Variants in LGR5 observed in about 807,000 individuals in gnomAD.
LGR5 encodes leucine-rich repeat-containing G protein-coupled receptor 5.
Under a neutral mutation model 76.7 loss-of-function variants are expected in LGR5, and 54 were observed. That is an observed-to-expected ratio of 0.70 (90% confidence interval 0.57 to 0.88). The LOEUF (loss-of-function observed/expected upper bound fraction) is 0.88, where lower values mean the gene tolerates loss of function less well. Ranked by LOEUF, LGR5 falls within the 40% of genes least tolerant of loss-of-function variation. LGR5 has a pLI of 0.00. For synonymous variants in LGR5, 406 were observed against 421.9 expected, an observed-to-expected ratio of 0.96 and a Z score of 0.46; for missense variants, 1,078 against 1,073.3, an observed-to-expected ratio of 1.00 and a Z score of -0.06.
At chr12:71,534,474 G>A (rs760902725) in intron 3 of LGR5, among the ~76,000 whole-genome samples, 6 of 151,996 alleles carry the variant, frequency 3.9e-5, no homozygotes, top group Admixed American at 6.6e-5. Flanking sequence ...TTTCCATTTG[G>A]TGTAACTTAT....
chr12:71,509,272 G>A (rs1194085331), intron 2 of LGR5, among the ~76,000 whole-genome samples: 1 of 152,104 alleles, frequency 6.6e-6, no homozygotes, highest in African/African-American at 2.4e-5. Flanking sequence ...ATGAAAGAAC[G>A]TTGGTAAACT....
chr12:71,448,084 AACACACACAC>A (rs35911721), intron 1 of LGR5, among the ~76,000 whole-genome samples: 2 of 145,584 alleles, frequency 1.4e-5, no homozygotes. Context: ...CACACACACA[AACACACACAC>A]ACACACACAC....
chr12:71,561,634 A>G lies in LGR5; in HGVS notation c.786-147A>G, dbSNP rs190886042. On this transcript the variant is annotated intron_variant, in intron 7 of 17. Coordinates refer to ENST00000266674, the MANE Select transcript of LGR5 (RefSeq NM_003667.4). ...TATCCTCTAGAGAGTAAATAACGGC[A>G]CCTAAGTTTCAAGATGCATAGAGGA... is the stretch of plus-strand genomic sequence containing the variant. The G allele has an allele frequency of 5.8e-3, 2,634 of 450,680 alleles. 8 individuals are homozygous for G. The highest frequency in any genetic ancestry group is 8.0e-3 in the Non-Finnish European group (2,069 of 257,318). 27.9% of individuals were successfully genotyped at this position (450,680 alleles called of 1,614,324 possible).
intron 4 of LGR5, among the ~76,000 whole-genome samples, chr12:71,541,074 A>G (rs77854800): frequency 0.047 from 7,134 of 152,300 alleles, 230 homozygotes; most frequent in Middle Eastern, 0.12. Flanking sequence ...TGCACAGTGA[A>G]GCGTTCACTT....
chr12:71,454,197 A>G (rs1872368752), intron 1 of LGR5, among the ~76,000 whole-genome samples: 1 of 151,790 alleles, frequency 6.6e-6, no homozygotes, highest in Non-Finnish European at 1.5e-5. Context: ...AAATCAAGAG[A>G]GCAGGTCTGG....
At chr12:71,504,276 TGA>T (rs1399807769) in intron 1 of LGR5, among the ~76,000 whole-genome samples, 1 of 152,154 alleles carries the variant, frequency 6.6e-6, no homozygotes, top group Non-Finnish European at 1.5e-5. Flanking sequence ...GACACAAAGT[TGA>T]GTTATGTCTA....
In LGR5 at chr12:71,440,031, G is replaced by A. The variant is rs1158602839; in HGVS notation, c.-50G>A. 4 of 1,563,232 alleles carry A rather than the reference G, an allele frequency of 2.6e-6. No homozygotes were observed. Among genetic ancestry groups the A allele is most frequent in the Non-Finnish European group, 3.5e-6 (4 of 1,148,996 alleles). ...GGCGCGCCACGGCCCGTAGCAGTCCGGTGCTGCTCTCCGCCCGCGTCCGGC... is the reference window on the plus strand; with the variant it reads ...GGCGCGCCACGGCCCGTAGCAGTCCAGTGCTGCTCTCCGCCCGCGTCCGGC... On this transcript the variant is annotated 5_prime_UTR_variant, in exon 1 of 18. Transcript: ENST00000266674. This position sits in a 1 kb window ranked among gnomAD's most constrained non-coding sequence, Gnocchi z 5.3.
intron 4 of LGR5, among the ~76,000 whole-genome samples, chr12:71,542,854 C>A (rs1480440395): frequency 6.6e-6 from 1 of 151,612 alleles, no homozygotes; most frequent in Non-Finnish European, 1.5e-5. Context: ...GTTTGAAATC[C>A]AGATCTGGAT....
intron 1 of LGR5, among the ~76,000 whole-genome samples, chr12:71,443,361 C>T (rs1046893737): frequency 2.6e-5 from 4 of 152,282 alleles, no homozygotes; most frequent in African/African-American, 7.2e-5. Context: ...ACTGAGCTGC[C>T]TTCCACAGTA....
At chr12:71,496,918 T>C (rs1874350564) in intron 1 of LGR5, among the ~76,000 whole-genome samples, 1 of 152,260 alleles carries the variant, frequency 6.6e-6, no homozygotes, top group African/African-American at 2.4e-5. Flanking sequence ...TGGTTACTTT[T>C]GGTGGGGAGC....
intron 2 of LGR5, among the ~76,000 whole-genome samples, chr12:71,519,893 G>C (rs1169343804): frequency 6.6e-6 from 1 of 151,526 alleles, no homozygotes; most frequent in Non-Finnish European, 1.5e-5. Flanking sequence ...GCACAGAGCA[G>C]GCCCTCAATA....
At chr12:71,502,140 G>A (rs779572528) in intron 1 of LGR5, among the ~76,000 whole-genome samples, 7 of 151,004 alleles carry the variant, frequency 4.6e-5, no homozygotes, top group Non-Finnish European at 1.0e-4. Context: ...AATATGATAT[G>A]TCAGGTAGCA....
Position 71,510,671 on chromosome 12 carries a change from A to C in LGR5, c.284+5986A>C, listed in dbSNP as rs375161586. 5.3e-5 allele frequency among the ~76,000 whole-genome samples: 8 copies of C among 152,308 alleles called. No individual in the cohort carries two copies. The South Asian group carries it at 1.0e-3, about 20-fold the overall frequency. On this transcript the variant is annotated intron_variant, in intron 2 of 17. Transcript: ENST00000266674. ...GGAGACAGATAATAAGCAAGGACAC[A>C]ACTGCATATGATATTTGCTAATTGT...
chr12:71,514,024 G>A (rs926053403), intron 2 of LGR5, among the ~76,000 whole-genome samples: 2 of 152,238 alleles, frequency 1.3e-5, no homozygotes, highest in South Asian at 4.1e-4. Flanking sequence ...GTGCGTACCT[G>A]TAGTCCCAGC....
chr12:71,551,242 A>G (rs1395144474), intron 4 of LGR5, among the ~76,000 whole-genome samples: 1 of 152,246 alleles, frequency 6.6e-6, no homozygotes. Context: ...CTGTAGAAGC[A>G]GGAATCAGAA....
intron 1 of LGR5, among the ~76,000 whole-genome samples, chr12:71,459,952 A>C (rs1261649150): frequency 6.6e-6 from 1 of 152,096 alleles, no homozygotes; most frequent in Non-Finnish European, 1.5e-5. Context: ...GACCACTTAG[A>C]ACAGTGCCTG....
intron 8 of LGR5, among the ~76,000 whole-genome samples, chr12:71,565,672 T>C (rs1878308851): frequency 6.6e-6 from 1 of 150,768 alleles, no homozygotes; most frequent in Admixed American, 6.7e-5. Flanking sequence ...TTTTAATGAA[T>C]CAATCTTTAA....
At chr12:71,516,674 C>A (rs1875458493) in intron 2 of LGR5, among the ~76,000 whole-genome samples, 2 of 152,110 alleles carry the variant, frequency 1.3e-5, no homozygotes, top group Admixed American at 1.3e-4. Context: ...ATTACTTTAA[C>A]AATTCAAAGA....
At chr12:71,523,080 T>A (rs1318314517) in intron 2 of LGR5, among the ~76,000 whole-genome samples, 1 of 152,250 alleles carries the variant, frequency 6.6e-6, no homozygotes, top group Non-Finnish European at 1.5e-5. Context: ...CCACAAATAC[T>A]ACTCAGAAGT....
Sources: allele counts gnomAD v4.1 joint callset (sites outside exome capture counted in the v4.1 genomes callset), GRCh38; gene constraint gnomAD v4.1.1; non-coding constraint Gnocchi (gnomAD v3.1); transcripts MANE v1.5; gene names NCBI Gene and HGNC (gene_info 2026-07-23, HGNC 2026-07-21).